The following SND1 variants were observed in gnomAD, a reference collection of about 807,000 sequenced individuals.
SND1 encodes the protein staphylococcal nuclease and tudor domain containing 1, also known as staphylococcal nuclease domain-containing protein 1.
A neutral mutation model predicts 121.7 loss-of-function variants in SND1; 38 were observed. The ratio of observed to expected loss-of-function variants is 0.31; its 90% CI spans 0.24 to 0.41. The LOEUF (loss-of-function observed/expected upper bound fraction) is 0.41, where lower values mean the gene tolerates loss of function less well. SND1 is among the 10% of genes least tolerant of loss of function. The probability of loss-of-function intolerance (pLI) is 1.00; values close to 1 mark genes in which losing one functional copy is unlikely to be tolerated. For missense variants in SND1, 868 were observed against 1,184.6 expected, an observed-to-expected ratio of 0.73 and a Z score of 3.92; for synonymous variants, 401 against 447.4, an observed-to-expected ratio of 0.90 and a Z score of 1.31.
chr7:127,946,033 A>G (rs6948493), intron 15 of SND1, among the ~76,000 whole-genome samples: 136,434 of 152,334 alleles, frequency 0.9, 61,416 homozygotes, highest in African/African-American at 0.98. Flanking sequence ...ATCTGCGTGT[A>G]CTCTCTTATT....
intron 10 of SND1, among the ~76,000 whole-genome samples, chr7:127,760,971 C>T (rs1272133169): frequency 6.6e-6 from 1 of 152,154 alleles, no homozygotes; most frequent in African/African-American, 2.4e-5. Flanking sequence ...ATATCATAAT[C>T]TTTAGAGAAC....
intron 10 of SND1, among the ~76,000 whole-genome samples, chr7:127,723,795 A>G (rs1487594368): frequency 1.3e-5 from 2 of 152,266 alleles, no homozygotes; most frequent in Non-Finnish European, 2.9e-5. Context: ...TTAAATTATC[A>G]TATAACTACG....
chr7:127,790,024 T>C (rs906668638), intron 10 of SND1, among the ~76,000 whole-genome samples: 1 of 151,950 alleles, frequency 6.6e-6, no homozygotes, highest in Non-Finnish European at 1.5e-5. Context: ...TGGTTCTGAA[T>C]TGTTTGTTTG....
At chr7:128,043,890 G>T (rs1584758800) in intron 16 of SND1, among the ~76,000 whole-genome samples, 1 of 141,970 alleles carries the variant, frequency 7.0e-6, no homozygotes, top group African/African-American at 2.6e-5. Flanking sequence ...ACACACACAC[G>T]TAATAAACGT....
intron 16 of SND1, among the ~76,000 whole-genome samples, chr7:128,018,768 C>A (rs1803283657): frequency 6.6e-6 from 1 of 152,190 alleles, no homozygotes; most frequent in African/African-American, 2.4e-5. Context: ...GACCTGCTGG[C>A]AACAACTTTA....
chr7:127,785,274 A>G (rs1324628617), intron 10 of SND1, among the ~76,000 whole-genome samples: 1 of 152,200 alleles, frequency 6.6e-6, no homozygotes, highest in African/African-American at 2.4e-5. Context: ...TAATTGGAAG[A>G]TGAACAGCAT....
At chr7:127,699,613 TAGAA>T (rs990038785) in intron 4 of SND1, among the ~76,000 whole-genome samples, 38 of 152,292 alleles carry the variant, frequency 2.5e-4, no homozygotes, top group Admixed American at 1.8e-3. Flanking sequence ...GTGAACCTGT[TAGAA>T]AGGGGTTGTG....
Position 127,943,632 on chromosome 7 carries a change from T to A in SND1, c.1669+14303T>A, listed in dbSNP as rs1801265219. 1.3e-5 allele frequency among the ~76,000 whole-genome samples: 2 copies of A among 151,704 alleles called. 1 individual carries two copies. Among genetic ancestry groups the A allele is most frequent in the South Asian group, 4.2e-4 (2 of 4,788 alleles). ...CCTATGAGGGCAAGTCTAGATCTCG[T>A]GGAGGAGATGAGTGGGACTCTAGAG... is the stretch of plus-strand genomic sequence containing the variant. On this transcript the variant is annotated intron_variant, in intron 15 of 23. Transcript: ENST00000354725.
At chr7:127,674,938 A>T (rs990896659) in intron 1 of SND1, among the ~76,000 whole-genome samples, 2 of 152,240 alleles carry the variant, frequency 1.3e-5, no homozygotes, top group Non-Finnish European at 2.9e-5. Context: ...GCAGTGGCTC[A>T]TGCCTTAATC....
intron 6 of SND1, 34 bp from the exon 7 acceptor site, chr7:127,703,131 G>T: frequency 1.2e-6 from 2 of 1,613,380 alleles, no homozygotes; most frequent in Non-Finnish European, 1.7e-6. Context: ...TCACATTTAG[G>T]CTGCATTACT....
chr7:127,686,975 T>C, intron 2 of SND1: 2 of 482,506 alleles, frequency 4.1e-6, no homozygotes, highest in Non-Finnish European at 7.2e-6. Context: ...GAGCTTTTTC[T>C]TGTACCTTTT....
chr7:127,829,292 G>C (rs1798697955), intron 11 of SND1, among the ~76,000 whole-genome samples: 1 of 152,096 alleles, frequency 6.6e-6, no homozygotes, highest in Non-Finnish European at 1.5e-5. Context: ...CTGGAGCAAA[G>C]GACCTGCTGT....
intron 15 of SND1, among the ~76,000 whole-genome samples, chr7:127,971,975 G>A (rs1031775796): frequency 4.0e-5 from 6 of 151,622 alleles, no homozygotes; most frequent in Non-Finnish European, 5.9e-5. Context: ...AGGTTTCACC[G>A]TGTTGCCCAG....
intron 16 of SND1, among the ~76,000 whole-genome samples, chr7:128,044,051 A>G (rs1792904433): frequency 6.6e-6 from 1 of 152,224 alleles, no homozygotes; most frequent in African/African-American, 2.4e-5. Context: ...AAGGTAGCAG[A>G]GTGGGAATAA....
At chr7:127,891,500 T>G (rs1563049503) in intron 13 of SND1, among the ~76,000 whole-genome samples, 1 of 152,068 alleles carries the variant, frequency 6.6e-6, no homozygotes, top group Non-Finnish European at 1.5e-5. Context: ...CACTGCTGCT[T>G]CTGCCCCTTA....
At chr7:128,014,812 T>A (rs143362360) in intron 16 of SND1, among the ~76,000 whole-genome samples, 117 of 152,320 alleles carry the variant, frequency 7.7e-4, no homozygotes, top group African/African-American at 2.6e-3. Flanking sequence ...AGATTTTTTT[T>A]AAATTCTAGC....
intron 16 of SND1, among the ~76,000 whole-genome samples, chr7:128,004,042 T>C (rs539415998): frequency 6.6e-6 from 1 of 151,160 alleles, no homozygotes; most frequent in African/African-American, 2.4e-5. Context: ...TACTTTCTTT[T>C]TTTTTTTTTT....
intron 14 of SND1, among the ~76,000 whole-genome samples, chr7:127,926,572 T>TG (rs1800841221): frequency 1.4e-5 from 2 of 145,290 alleles, no homozygotes; most frequent in African/African-American, 5.2e-5. Context: ...TTTTTTTTTT[T>TG]GTCGGAGTCT....
intron 16 of SND1, among the ~76,000 whole-genome samples, chr7:128,067,902 T>C (rs770163903): frequency 2.0e-4 from 16 of 78,104 alleles, no homozygotes; most frequent in Non-Finnish European, 9.2e-5. Context: ...TGCATCCCCC[T>C]GCTGTCTTTC....
Sources: gnomAD v4.1 joint callset for allele counts (sites outside exome capture counted in the v4.1 genomes callset) on GRCh38, gnomAD v4.1.1 for gene constraint, MANE v1.5 for transcripts, NCBI Gene and HGNC (gene_info 2026-07-23, HGNC 2026-07-21) for gene names.